The following NEGR1 variants were observed in gnomAD, a reference collection of about 807,000 sequenced individuals.
The protein encoded by NEGR1 is neuronal growth regulator 1, also known as IgLON family member 4.
In NEGR1, 10 loss-of-function variants were observed where a neutral mutation model predicts 40.9. The observed-to-expected ratio is 0.24, with a 90% confidence interval of 0.15 to 0.42. The LOEUF is 0.42. NEGR1 is among the 10% of genes least tolerant of loss of function. The pLI is 1.00. For synonymous variants in NEGR1, 185 were observed against 166.8 expected (o/e 1.11, Z -0.84); for missense variants, 352 against 438.9 (o/e 0.80, Z 1.77).
intron 2 of NEGR1, among the ~76,000 whole-genome samples, chr1:71,926,650 A>ATTT (rs5775093): frequency 3.8e-4 from 56 of 147,270 alleles, no homozygotes; most frequent in South Asian, 8.5e-4. Context: ...TATCAATATG[A>ATTT]TTTTTTTTTT....
chr1:71,953,618 T>G (rs1646092328), intron 1 of NEGR1, among the ~76,000 whole-genome samples: 3 of 151,926 alleles, frequency 2.0e-5, no homozygotes, highest in African/African-American at 7.2e-5. Flanking sequence ...TTGGATGGAA[T>G]AAGGAAATCT....
At chr1:71,934,641 A>G (rs376107319) in intron 2 of NEGR1, among the ~76,000 whole-genome samples, 1 of 152,166 alleles carries the variant, frequency 6.6e-6, no homozygotes, top group East Asian at 1.9e-4. Context: ...TGTGTCAATC[A>G]TGGGCTCCCA....
chr1:72,203,640 G>A (rs1214882775), intron 1 of NEGR1, among the ~76,000 whole-genome samples: 1 of 152,114 alleles, frequency 6.6e-6, no homozygotes, highest in East Asian at 1.9e-4. Flanking sequence ...CTCCAATGGT[G>A]AAGAAATGCT....
chr1:72,270,840 C>G (rs1655818120), intron 1 of NEGR1, among the ~76,000 whole-genome samples: 1 of 151,678 alleles, frequency 6.6e-6, no homozygotes. Flanking sequence ...GGGTCTGCAC[C>G]CCAACAGCTA....
chr1:71,988,893 C>T (rs1319289379), intron 1 of NEGR1, among the ~76,000 whole-genome samples: 1 of 113,562 alleles, frequency 8.8e-6, no homozygotes, highest in Non-Finnish European at 1.7e-5. Flanking sequence ...GCCATGATGT[C>T]AAGGCAATGA....
intron 2 of NEGR1, among the ~76,000 whole-genome samples, chr1:71,850,808 T>A (rs1270031218): frequency 2.6e-5 from 4 of 152,182 alleles, no homozygotes; most frequent in African/African-American, 9.6e-5. Flanking sequence ...TACCATTATC[T>A]ATAAAGACTC....
chr1:72,040,792 T>C (rs777694288), intron 1 of NEGR1, among the ~76,000 whole-genome samples: 2 of 151,774 alleles, frequency 1.3e-5, no homozygotes, highest in Non-Finnish European at 2.9e-5. Context: ...ATTGAAGTTG[T>C]AAAAAATAGC....
At chr1:71,684,015 A>G (rs1652932980) in intron 4 of NEGR1, among the ~76,000 whole-genome samples, 1 of 152,182 alleles carries the variant, frequency 6.6e-6, no homozygotes, top group Non-Finnish European at 1.5e-5. Context: ...TCACGCCTGT[A>G]ATCCCAGTAC....
intron 1 of NEGR1, among the ~76,000 whole-genome samples, chr1:71,982,795 A>T (rs988045634): frequency 6.6e-6 from 1 of 152,186 alleles, no homozygotes; most frequent in African/African-American, 2.4e-5. Context: ...TTAGGAAGAT[A>T]TCAACAAGTA....
intron 4 of NEGR1, among the ~76,000 whole-genome samples, chr1:71,673,427 A>G (rs534161722): frequency 4.5e-4 from 36 of 79,750 alleles, no homozygotes; most frequent in African/African-American, 1.6e-3. Context: ...GACACTGAAG[A>G]TACACAGTAA....
At chr1:71,759,847 G>T (rs1655881188) in intron 3 of NEGR1, among the ~76,000 whole-genome samples, 1 of 151,694 alleles carries the variant, frequency 6.6e-6, no homozygotes, top group Admixed American at 6.6e-5. Context: ...TGGCCTCAAT[G>T]ATCTGCCCAC....
intron 6 of NEGR1, among the ~76,000 whole-genome samples, chr1:71,568,893 C>A (rs1326140527): frequency 7.0e-6 from 1 of 143,048 alleles, no homozygotes; most frequent in East Asian, 2.3e-4. Flanking sequence ...AGTGTCCTTG[C>A]CTCAGGGGCA....
chr1:71,894,883 C>T (rs1228317537), intron 2 of NEGR1, among the ~76,000 whole-genome samples: 1 of 151,684 alleles, frequency 6.6e-6, no homozygotes, highest in Non-Finnish European at 1.5e-5. Context: ...ATAGCCACTG[C>T]ACTTCAGCCT....
intron 1 of NEGR1, among the ~76,000 whole-genome samples, chr1:72,227,577 G>T (rs983900401): frequency 6.6e-6 from 1 of 151,916 alleles, no homozygotes. Context: ...TCTGAGAATG[G>T]GAATGTTTAT....
At chr1:72,176,438 A>C (rs757213533) in intron 1 of NEGR1, among the ~76,000 whole-genome samples, 7 of 152,114 alleles carry the variant, frequency 4.6e-5, no homozygotes, top group Non-Finnish European at 8.8e-5. Flanking sequence ...AGAATACCAA[A>C]ATGGATAATT....
At chr1:71,496,182 T>A (rs1646961988) in intron 6 of NEGR1, among the ~76,000 whole-genome samples, 1 of 151,948 alleles carries the variant, frequency 6.6e-6, no homozygotes, top group African/African-American at 2.4e-5. Context: ...TAATTCTGAG[T>A]GATGTGAGAT....
At chr1:71,622,886 T>C (rs1650654850) in intron 4 of NEGR1, among the ~76,000 whole-genome samples, 1 of 151,842 alleles carries the variant, frequency 6.6e-6, no homozygotes, top group African/African-American at 2.4e-5. Flanking sequence ...AGCCTTGGGG[T>C]GTTATGACTT....
chr1:71,681,886 G>T (rs1452081265), intron 4 of NEGR1, among the ~76,000 whole-genome samples: 1 of 152,080 alleles, frequency 6.6e-6, no homozygotes, highest in East Asian at 1.9e-4. Context: ...GTGTGCAGTG[G>T]TGTGATCTCA....
intron 6 of NEGR1, among the ~76,000 whole-genome samples, chr1:71,500,951 G>A (rs141662291): frequency 1.9e-3 from 281 of 151,810 alleles, no homozygotes; most frequent in Non-Finnish European, 3.1e-3. Context: ...TTGACTCCAC[G>A]AATGCAGAAC....
Sources: allele counts gnomAD v4.1 joint callset (sites outside exome capture counted in the v4.1 genomes callset), GRCh38; gene constraint gnomAD v4.1.1; transcripts MANE v1.5; gene names NCBI Gene and HGNC (gene_info 2026-07-23, HGNC 2026-07-21).